TGFBRAP1: variants seen among roughly 807,000 people sequenced by gnomAD.
The protein encoded by TGFBRAP1 is transforming growth factor-beta receptor-associated protein 1.
A neutral mutation model predicts 83.2 loss-of-function variants in TGFBRAP1; 20 were observed. The ratio of observed to expected loss-of-function variants is 0.24; its 90% CI spans 0.17 to 0.35. TGFBRAP1 has a LOEUF of 0.35. Ranked by LOEUF, TGFBRAP1 falls within the 10% of genes least tolerant of loss-of-function variation. The probability of loss-of-function intolerance (pLI) is 1.00; values close to 1 mark genes in which losing one functional copy is unlikely to be tolerated. For missense variants in TGFBRAP1, 950 were observed against 1,099.4 expected, an observed-to-expected ratio of 0.86 and a Z score of 1.92; for synonymous variants, 415 against 459.8, an observed-to-expected ratio of 0.90 and a Z score of 1.25.
At chr2:105,251,093 GAGC>G in the TGFBRAP1 span, among the ~76,000 whole-genome samples, 4 of 152,108 alleles carry the variant, frequency 2.6e-5, no homozygotes, top group African/African-American at 9.7e-5. Context: ...GGAAAGTGAG[GAGC>G]ATCTCTGCCC....
Position 105,267,319 on chromosome 2 carries a change from C to A in TGFBRAP1, c.*64G>T. 3 of 1,590,398 alleles carry A rather than the reference C, an allele frequency of 1.9e-6. No individual in the cohort carries two copies. Among genetic ancestry groups the A allele is most frequent in the Non-Finnish European group, 2.6e-6 (3 of 1,167,246 alleles). On this transcript the variant is annotated 3_prime_UTR_variant, in exon 12 of 12. Transcript: ENST00000393359. ...TGACACAGAGCATGGTGGTCATCTG[C>A]TCTTCATGTCCAGCAGGCTCAGAAA...
intron 5 of TGFBRAP1, among the ~76,000 whole-genome samples, chr2:105,281,796 G>T (rs532093713): frequency 1.3e-5 from 2 of 152,106 alleles, no homozygotes; most frequent in African/African-American, 4.8e-5. Context: ...CTGGCCTAAA[G>T]CAGTGGTTCT....
intron 4 of TGFBRAP1, 103 bp from the exon 5 acceptor site, chr2:105,284,501 G>C: frequency 1.9e-6 from 2 of 1,027,320 alleles, no homozygotes; most frequent in Non-Finnish European, 3.0e-6. Context: ...ACATAGAAAT[G>C]TAAAATTACA....
chr2:105,272,717 A>G, intron 10 of TGFBRAP1, 138 bp downstream of exon 10: 1 of 1,178,768 alleles, frequency 8.5e-7, no homozygotes, highest in Non-Finnish European at 1.2e-6. Context: ...ATTTAAAAAA[A>G]TCTTTTTAAA....
intron 3 of TGFBRAP1, among the ~76,000 whole-genome samples, chr2:105,297,312 G>A (rs1288000790): frequency 6.6e-6 from 1 of 152,182 alleles, no homozygotes; most frequent in East Asian, 1.9e-4. Flanking sequence ...TCTGCCTGGA[G>A]TCACTTTTCC....
rs60031957 is a variant in TGFBRAP1 at position 105,296,756 on chromosome 2, C to CTTTTTTTTTTTTTTTTTTT, written c.884-265_884-247dup. Among the ~76,000 whole-genome samples, 3 of 73,226 alleles carry CTTTTTTTTTTTTTTTTTTT rather than the reference C, an allele frequency of 4.1e-5. 1 individual carries two copies. The highest frequency in any genetic ancestry group is 5.1e-5 in the African/African-American group (1 of 19,508). 48.0% of individuals were successfully genotyped at this position (73,226 alleles called of 152,430 possible). A position where few individuals can be genotyped will look rare whatever the true frequency, so the allele number is the denominator to read the frequency against. On this transcript the variant is annotated intron_variant, in intron 3 of 11. Coordinates refer to ENST00000393359, the MANE Select transcript of TGFBRAP1 (RefSeq NM_004257.6). ...ATAATATCTTGCTTTCTTTTTTTGC[C>CTTTTTTTTTTTTTTTTTTT]TTTTTTTTTTTTTTTTTTTTTTTTT...
At chr2:105,252,444 C>G in the TGFBRAP1 span, among the ~76,000 whole-genome samples, 2 of 152,198 alleles carry the variant, frequency 1.3e-5, no homozygotes, top group African/African-American at 2.4e-5. Flanking sequence ...AGTCCTTTCC[C>G]CCTTGCAGGG....
chr2:105,317,634 T>C (rs1046627236), intron 1 of TGFBRAP1, among the ~76,000 whole-genome samples: 1 of 151,952 alleles, frequency 6.6e-6, no homozygotes, highest in Non-Finnish European at 1.5e-5. Context: ...TAAGGAAAAA[T>C]GATAAATTCT....
rs762357954 is a variant in TGFBRAP1, at chr2:105,296,460, G to C, written c.934C>G (p.Pro312Ala). ...SKGVYILVPL[P>A]LEKQIQDLLA... ...AGATCCTGTATTTGTTTTTCCAAAG[G>C]TAATGGAACCAAGATGTAAACTCCT... The change falls in exon 4 of 12, where the codon CCT becomes GCT. Residue 312 changes from proline to alanine, a missense_variant. Pro to Ala is a conservative substitution (Grantham distance 27, BLOSUM62 -1). Coordinates refer to ENST00000393359, the MANE Select transcript of TGFBRAP1 (RefSeq NM_004257.6). 3 of 1,614,008 alleles carry C rather than the reference G, an allele frequency of 1.9e-6. No individual in the cohort carries two copies. Among genetic ancestry groups the C allele is most frequent in the Non-Finnish European group, 2.5e-6 (3 of 1,179,998 alleles).
chr2:105,308,025 C>G lies in TGFBRAP1; in HGVS notation c.277G>C (p.Val93Leu). Residue 93 changes from valine (V) to leucine (L), a missense_variant, in exon 2 of 12, where the codon GTG becomes CTG. Coordinates refer to ENST00000393359, the MANE Select transcript of TGFBRAP1 (RefSeq NM_004257.6). ...RAASALNRLL[V>L]LCDNSISLVN... ...AGGCTGATGGAGTTGTCACACAGCA[C>G]CAGCAGCCTGTTGAGTGCTGAGGCC... 6.2e-7 allele frequency: 1 copy of G among 1,614,042 alleles called. No homozygotes were observed. The highest frequency in any genetic ancestry group is 8.5e-7 in the Non-Finnish European group (1 of 1,179,966).
intron 1 of TGFBRAP1, among the ~76,000 whole-genome samples, chr2:105,320,934 A>T (rs1304450243): frequency 5.9e-5 from 9 of 152,222 alleles, no homozygotes; most frequent in Admixed American, 5.9e-4. Flanking sequence ...CCCTAAAGGA[A>T]AACACACTGC....
intron 1 of TGFBRAP1, among the ~76,000 whole-genome samples, chr2:105,315,787 C>G (rs1406539039): frequency 6.6e-6 from 1 of 152,146 alleles, no homozygotes; most frequent in Non-Finnish European, 1.5e-5. Flanking sequence ...GAGATCTGTT[C>G]AGCAGTTTTT....
At chr2:105,316,470 C>A (rs977180237) in intron 1 of TGFBRAP1, among the ~76,000 whole-genome samples, 2,935 of 94,108 alleles carry the variant, frequency 0.031, 34 homozygotes, top group Admixed American at 0.053. Flanking sequence ...TGTGCGCGCG[C>A]GCGCGCGCGC....
At chr2:105,251,698 G>A in the TGFBRAP1 span, among the ~76,000 whole-genome samples, 1 of 152,162 alleles carries the variant, frequency 6.6e-6, no homozygotes, top group East Asian at 1.9e-4. Context: ...TTGTGGAATA[G>A]AAAGGGGGGA....
At chr2:105,316,673 G>A (rs942182674) in intron 1 of TGFBRAP1, among the ~76,000 whole-genome samples, 2 of 151,932 alleles carry the variant, frequency 1.3e-5, no homozygotes, top group Non-Finnish European at 2.9e-5. Context: ...AATTAGCTGG[G>A]CGTGGCTGTG....
At chr2:105,281,762 C>T (rs772871252) in intron 5 of TGFBRAP1, among the ~76,000 whole-genome samples, 1 of 152,188 alleles carries the variant, frequency 6.6e-6, no homozygotes, top group Non-Finnish European at 1.5e-5. Flanking sequence ...TTTCATGACT[C>T]TCAGCCTTTG....
intron 4 of TGFBRAP1, among the ~76,000 whole-genome samples, chr2:105,288,713 T>C: frequency 6.6e-6 from 1 of 152,204 alleles, no homozygotes. Context: ...TGTAAGTTAT[T>C]GTCTAAACAG....
chr2:105,310,076 T>C (rs1226122442), intron 1 of TGFBRAP1, among the ~76,000 whole-genome samples: 2 of 152,136 alleles, frequency 1.3e-5, no homozygotes, highest in Non-Finnish European at 2.9e-5. Flanking sequence ...TTACCTAGTG[T>C]ATGGTAGTTT....
Position 105,264,544 on chromosome 2 carries a change from T to G in TGFBRAP1, c.*2839A>C, listed in dbSNP as rs1365065108. The G allele has an allele frequency of 2.6e-5, 4 of 152,246 alleles. No individual in the cohort carries two copies. In the East Asian group the frequency reaches 7.7e-4, roughly 29 times the overall value. 9.4% of individuals were successfully genotyped at this position (152,246 alleles called of 1,614,324 possible). A position where few individuals can be genotyped will look rare whatever the true frequency, so the allele number is the denominator to read the frequency against. Reference sequence around the variant, plus strand: ...ACCCAATCGGGACAAAGGATAAAGTTGCAAGGACAAAGGTTTCTGTGGGAG... The same window carrying G: ...ACCCAATCGGGACAAAGGATAAAGTGGCAAGGACAAAGGTTTCTGTGGGAG... On this transcript the variant is annotated 3_prime_UTR_variant, in exon 12 of 12. Transcript: ENST00000393359.
Sources: gnomAD v4.1 joint callset for allele counts (sites outside exome capture counted in the v4.1 genomes callset) on GRCh38, gnomAD v4.1.1 for gene constraint, MANE v1.5 for transcripts, NCBI Gene and HGNC (gene_info 2026-07-23, HGNC 2026-07-21) for gene names.